Variants in SMARCA4 observed in about 807,000 individuals in gnomAD.
SMARCA4 encodes the protein SWI/SNF-related matrix-associated actin-dependent regulator of chromatin subfamily A member 4.
Under a neutral mutation model 193.9 loss-of-function variants are expected in SMARCA4, and 31 were observed. The observed-to-expected ratio is 0.16, with a 90% confidence interval of 0.12 to 0.22. The LOEUF (loss-of-function observed/expected upper bound fraction) is 0.22, where lower values mean the gene tolerates loss of function less well. SMARCA4 is among the 10% of genes least tolerant of loss of function. The pLI is 1.00. For missense variants in SMARCA4, 1,148 were observed against 2,296.0 expected (o/e 0.50, Z 10.22); for synonymous variants, 942 against 933.1 (o/e 1.01, Z -0.17).
intron 19 of SMARCA4, among the ~76,000 whole-genome samples, chr19:11,023,210 G>A (rs1001321609): frequency 1.3e-5 from 2 of 152,206 alleles, no homozygotes; most frequent in Non-Finnish European, 2.9e-5. Flanking sequence ...TGTGTTACTC[G>A]TGGAGAAGCA....
At chr19:11,028,853 A>G (rs1049257670) in intron 24 of SMARCA4, among the ~76,000 whole-genome samples, 7 of 144,514 alleles carry the variant, frequency 4.8e-5, no homozygotes, top group Non-Finnish European at 1.1e-4. Context: ...TGAGACAGAC[A>G]CGGCTCAGCC....
At chr19:11,003,444 A>G (rs1208069891) in intron 13 of SMARCA4, 47 bp downstream of exon 13, 3 of 1,516,558 alleles carry the variant, frequency 2.0e-6, no homozygotes, top group Admixed American at 1.7e-5. Flanking sequence ...GCCCACTGGC[A>G]GTGACTTCCA....
chr19:10,985,232 T>G lies in SMARCA4; in HGVS notation c.223-41T>G. On this transcript the variant is annotated intron_variant, in intron 2 of 34. Transcript: ENST00000344626. The surrounding 1 kb of genome is among the most constrained non-coding windows in gnomAD (Gnocchi z 4.5). ...CGCATAGCTGCGCTGCCACCTCACG[T>G]TCCACATGCTGACCCTGCCTTGCCA... The G allele has an allele frequency of 6.2e-7, 1 of 1,612,874 alleles. No individual in the cohort carries two copies. The highest frequency in any genetic ancestry group is 1.7e-4 in the Middle Eastern group (1 of 6,044).
Position 11,010,368 on chromosome 19 carries a change from A to G in SMARCA4, c.2124-13A>G, listed in dbSNP as rs1344055347. 1.2e-6 allele frequency: 2 copies of G among 1,613,882 alleles called. No individual in the cohort carries two copies. Among genetic ancestry groups the G allele is most frequent in the Non-Finnish European group, 1.7e-6 (2 of 1,179,986 alleles). ...ATGTGTGTCCTTACCCGGCACCTCC[A>G]TCTCACTCCCAGGAATGCCAAGCAA... On this transcript the variant is annotated splice_polypyrimidine_tract_variant and intron_variant, in intron 14 of 34. Coordinates refer to ENST00000344626, the MANE Select transcript of SMARCA4 (RefSeq NM_003072.5).
chr19:11,059,870 G>T lies in SMARCA4; in HGVS notation c.4753G>T (p.Gly1585Cys), dbSNP rs2076756606. 1 of 1,613,880 alleles carries T rather than the reference G, an allele frequency of 6.2e-7. No individual in the cohort carries two copies. The highest frequency in any genetic ancestry group is 8.5e-7 in the Non-Finnish European group (1 of 1,180,026). ...GGAGGAGGAAGAGGGCGAGGAGGAAGGCTCCGAATCCGAATGTGAGTCCCG... is the reference window on the plus strand; with the variant it reads ...GGAGGAGGAAGAGGGCGAGGAGGAATGCTCCGAATCCGAATGTGAGTCCCG... ...SEEEEEGEEE[G>C]SESESRSVKV... is the part of the protein sequence containing the mutation. The change falls in exon 33 of 35, where the codon GGC becomes TGC. Residue 1585 changes from glycine to cysteine, a missense_variant. Transcript: ENST00000344626.
intron 21 of SMARCA4, 75 bp from the exon 22 acceptor site, chr19:11,025,347 A>T (rs2090176219): frequency 2.2e-6 from 2 of 920,810 alleles, no homozygotes; most frequent in South Asian, 2.6e-5. Context: ...TTCTCCCAAC[A>T]CCCACCCATC....
At chr19:11,045,974 A>G (rs2075883237) in intron 30 of SMARCA4, among the ~76,000 whole-genome samples, 1 of 152,204 alleles carries the variant, frequency 6.6e-6, no homozygotes, top group Non-Finnish European at 1.5e-5. Flanking sequence ...CTGTAATCCC[A>G]GCACTTTGGG....
intron 29 of SMARCA4, among the ~76,000 whole-genome samples, chr19:11,039,010 C>T (rs1837982848): frequency 6.6e-6 from 1 of 151,758 alleles, no homozygotes; most frequent in Non-Finnish European, 1.5e-5. Context: ...CATTTCAGCT[C>T]AGGAGTTTGA....
intron 20 of SMARCA4, 117 bp from the exon 21 acceptor site, chr19:11,024,214 G>T: frequency 2.7e-6 from 2 of 749,454 alleles, no homozygotes; most frequent in Non-Finnish European, 4.9e-6. Flanking sequence ...CCACACCCCA[G>T]TGTGCTCTGG....
chr19:10,995,518 T>G, intron 9 of SMARCA4: 1 of 455,248 alleles, frequency 2.2e-6, no homozygotes, highest in Non-Finnish European at 4.4e-6. Context: ...GAGGGGGAAG[T>G]GGAGTGGAAG....
At chr19:11,040,092 AAAG>A (rs2146788924) in intron 29 of SMARCA4, 1 of 152,210 alleles carries the variant, frequency 6.6e-6, no homozygotes, top group African/African-American at 2.4e-5. Flanking sequence ...CAACAACAAA[AAAG>A]AAAATTTAAA....
Position 11,010,361 on chromosome 19 carries a change from C to T in SMARCA4, c.2124-20C>T, listed in dbSNP as rs2146232087. ...GATAGGAATGTGTGTCCTTACCCGG[C>T]ACCTCCATCTCACTCCCAGGAATGC... is the stretch of plus-strand genomic sequence containing the variant. On this transcript the variant is annotated intron_variant, in intron 14 of 34. Transcript: ENST00000344626. The T allele has an allele frequency of 6.2e-7, 1 of 1,613,562 alleles. No homozygotes were observed. The highest frequency in any genetic ancestry group is 8.5e-7 in the Non-Finnish European group (1 of 1,179,858).
rs1007381383 is a variant in SMARCA4 at position 11,000,608 on chromosome 19, C to T, written c.1813-2421C>T. Among the ~76,000 whole-genome samples the T allele has an allele frequency of 4.6e-5, 7 of 151,744 alleles. No individual in the cohort carries two copies. The South Asian group carries it at 6.2e-4, about 14-fold the overall frequency. On this transcript the variant is annotated intron_variant, in intron 11 of 34. Transcript: ENST00000344626. Reference sequence around the variant, plus strand: ...CAAGAAAAAAGTAATGGGCCAGGTGCGGTGGCTCACATCTGTAATCCCAGC... The same window carrying T: ...CAAGAAAAAAGTAATGGGCCAGGTGTGGTGGCTCACATCTGTAATCCCAGC...
chr19:11,010,594 G>A (rs891959433), intron 15 of SMARCA4, 63 bp downstream of exon 15: 35 of 1,552,644 alleles, frequency 2.3e-5, no homozygotes, highest in Middle Eastern at 1.7e-4. Context: ...TTCCCAGGTG[G>A]TGCGGGCTTC....
At chr19:11,027,986 TTTGTTG>T in intron 24 of SMARCA4, 36 bp downstream of exon 24, 1 of 1,608,520 alleles carries the variant, frequency 6.2e-7, no homozygotes, top group Non-Finnish European at 8.5e-7. Flanking sequence ...CTTACAGGGT[TTTGTTG>T]TTGTGGCTGC....
At chr19:11,023,387 G>A (rs1334501913) in intron 19 of SMARCA4, 131 bp from the exon 20 acceptor site, 3 of 697,676 alleles carry the variant, frequency 4.3e-6, no homozygotes, top group Non-Finnish European at 7.9e-6. Context: ...AGGCTGAAAA[G>A]CCACGTGCCA....
At position 11,030,977 on chromosome 19, in the gene SMARCA4, C is replaced by A. The variant is rs1325847832; in HGVS notation, c.3546+84C>A. 2 of 1,231,354 alleles carry A rather than the reference C, an allele frequency of 1.6e-6. No homozygotes were observed. Among genetic ancestry groups the A allele is most frequent in the Non-Finnish European group, 2.3e-6 (2 of 863,780 alleles). The allele number at this position is 1,231,354 out of a possible 1,614,324, so 76.3% of individuals were successfully genotyped here. Reference sequence around the variant, plus strand: ...AGGAGACGGCCCTGGCTTGAGGGTCCTCCAGCCTCCTCCACATTGTCTTGG... The same window carrying A: ...AGGAGACGGCCCTGGCTTGAGGGTCATCCAGCCTCCTCCACATTGTCTTGG... On this transcript the variant is annotated intron_variant, in intron 25 of 34. Coordinates refer to ENST00000344626, the MANE Select transcript of SMARCA4 (RefSeq NM_003072.5). The surrounding 1 kb of genome is among the most constrained non-coding windows in gnomAD (Gnocchi z 5.5).
chr19:10,975,913 A>G (rs542883897), intron 1 of SMARCA4, among the ~76,000 whole-genome samples: 1 of 152,280 alleles, frequency 6.6e-6, no homozygotes, highest in South Asian at 2.1e-4. Context: ...AGGGCCGCAC[A>G]CATCTGGATT....
chr19:10,970,293 G>A (rs180930982), intron 1 of SMARCA4, among the ~76,000 whole-genome samples: 1 of 152,318 alleles, frequency 6.6e-6, no homozygotes, highest in East Asian at 1.9e-4. Context: ...CTTAGTTCTG[G>A]GCGCTGCTTT....
Sources: gnomAD v4.1 joint callset for allele counts (sites outside exome capture counted in the v4.1 genomes callset) on GRCh38, gnomAD v4.1.1 for gene constraint, Gnocchi (gnomAD v3.1) non-coding constraint, MANE v1.5 for transcripts, NCBI Gene and HGNC (gene_info 2026-07-23, HGNC 2026-07-21) for gene names.